CDC20B: variants seen among roughly 807,000 people sequenced by gnomAD.
CDC20B encodes the protein cell division cycle protein 20 homolog B.
CDC20B carries 58 observed loss-of-function variants against 64.1 expected under a neutral mutation model. The ratio of observed to expected loss-of-function variants is 0.90; its 90% CI spans 0.73 to 1.13. The LOEUF (loss-of-function observed/expected upper bound fraction) is 1.13. CDC20B is among the 50% of genes most tolerant of loss of function. CDC20B has a pLI of 0.00. For synonymous variants in CDC20B, 243 were observed against 230.6 expected (o/e 1.05, Z -0.49); for missense variants, 597 against 633.0 (o/e 0.94, Z 0.61).
At position 55,172,990 on chromosome 5, in the gene CDC20B, T is replaced by C. The variant is rs1289516156; in HGVS notation, c.11A>G (p.Lys4Arg). Residue 4 changes from lysine (K) to arginine (R), a missense_variant, in exon 1 of 12, where the codon AAA (lysine) becomes AGA (arginine). Lys to Arg is a conservative substitution (Grantham distance 26). Transcript: ENST00000381375. MEW[K>R]LERTAPRRVR... ...CCTCCGAGGCGCGGTGCGCTCCAGT[T>C]TCCACTCCATCTCCGGCTGACTTCG... is the stretch of plus-strand genomic sequence containing the variant. 1 of 1,611,610 alleles carries C rather than the reference T, an allele frequency of 6.2e-7. No individual in the cohort carries two copies. The highest frequency in any genetic ancestry group is 8.5e-7 in the Non-Finnish European group (1 of 1,179,154).
chr5:55,146,387 C>T (rs558744628), intron 3 of CDC20B, among the ~76,000 whole-genome samples: 59 of 152,206 alleles, frequency 3.9e-4, no homozygotes, highest in Non-Finnish European at 7.1e-4. Flanking sequence ...GCACAATTAA[C>T]TTTGTAAAAT....
intron 4 of CDC20B, among the ~76,000 whole-genome samples, chr5:55,142,647 C>T (rs1448860962): frequency 1.3e-5 from 2 of 152,170 alleles, no homozygotes; most frequent in African/African-American, 4.8e-5. Context: ...CCCTAATTAT[C>T]TCAGTAGGAC....
In CDC20B at chr5:55,172,793, A is replaced by G. The variant is rs1744648870; in HGVS notation, c.64-143T>C. The G allele has an allele frequency of 6.6e-6, 6 of 914,114 alleles. No homozygotes were observed. The East Asian group carries it at 1.3e-4, about 19-fold the overall frequency. 56.6% of individuals were successfully genotyped at this position (914,114 alleles called of 1,614,324 possible). ...TTTTTTTTGGCAACTAGGCACCTTCAGAATATAACTAAATTACATCACTCA... is the reference window on the plus strand; with the variant it reads ...TTTTTTTTGGCAACTAGGCACCTTCGGAATATAACTAAATTACATCACTCA... On this transcript the variant is annotated intron_variant, in intron 1 of 11. Coordinates refer to ENST00000381375, the MANE Select transcript of CDC20B (RefSeq NM_001170402.1).
chr5:55,146,515 GAA>G (rs1261122623), intron 3 of CDC20B, 111 bp downstream of exon 3: 7 of 696,834 alleles, frequency 1.0e-5, no homozygotes, highest in Non-Finnish European at 1.7e-5. Flanking sequence ...GAGAAAAAGA[GAA>G]AAGAGTTGAC....
At chr5:55,141,796 A>C (rs889838645) in intron 4 of CDC20B, among the ~76,000 whole-genome samples, 8 of 152,196 alleles carry the variant, frequency 5.3e-5, no homozygotes, top group African/African-American at 1.9e-4. Flanking sequence ...CAATCTTGGC[A>C]CTATGGGCAA....
At chr5:55,161,056 G>C (rs1321275097) in intron 2 of CDC20B, 25 of 1,614,042 alleles carry the variant, frequency 1.5e-5, no homozygotes, top group Non-Finnish European at 2.0e-5. Flanking sequence ...ACTTAGGGCT[G>C]AAGGAACTGC....
intron 8 of CDC20B, among the ~76,000 whole-genome samples, 179 bp downstream of exon 8, chr5:55,127,078 C>T (rs1469421874): frequency 1.3e-5 from 2 of 152,162 alleles, no homozygotes; most frequent in East Asian, 3.8e-4. Flanking sequence ...CACCAAGACA[C>T]TTACATGACC....
intron 11 of CDC20B, among the ~76,000 whole-genome samples, chr5:55,115,603 A>C (rs61446128): frequency 0.032 from 4,906 of 152,290 alleles, 237 homozygotes; most frequent in African/African-American, 0.11. Flanking sequence ...TGAGGGAGGA[A>C]AGGAGGTCAG....
rs1743942024 is a variant in CDC20B, at chr5:55,159,875, T to C, written c.126+12713A>G. Among the ~76,000 whole-genome samples the C allele has an allele frequency of 2.0e-5, 3 of 152,246 alleles. No homozygotes were observed. The South Asian group carries it at 6.2e-4, about 32-fold the overall frequency. ...CTTAGCATGGGGAATGAGCCCTCCGTAGCTTTCGAGTTACAAGAGCACCAT... is the reference window on the plus strand; with the variant it reads ...CTTAGCATGGGGAATGAGCCCTCCGCAGCTTTCGAGTTACAAGAGCACCAT... On this transcript the variant is annotated intron_variant, in intron 2 of 11. Coordinates refer to ENST00000381375, the MANE Select transcript of CDC20B (RefSeq NM_001170402.1).
At chr5:55,164,240 A>G (rs752697463) in intron 2 of CDC20B, 2 of 1,491,756 alleles carry the variant, frequency 1.3e-6, no homozygotes, top group East Asian at 2.3e-5. Flanking sequence ...CGTTTCTAAT[A>G]GAACAGAGAA....
rs1406224287 is a variant in CDC20B at position 55,114,400 on chromosome 5, G to A, written c.1460-82C>T. 6.7e-5 allele frequency: 103 copies of A among 1,536,728 alleles called. 1 individual carries two copies. In the Admixed American group the frequency reaches 2.0e-3, roughly 29 times the overall value. On this transcript the variant is annotated intron_variant, in intron 11 of 11. Coordinates refer to ENST00000381375, the MANE Select transcript of CDC20B (RefSeq NM_001170402.1). The surrounding 1 kb of genome is among the most constrained non-coding windows in gnomAD (Gnocchi z 4.1). ...AGGACTGTAGGCAATGTAAGTTGGG[G>A]CCATGAGTCCCATCCCAGGATAAAG...
intron 8 of CDC20B, among the ~76,000 whole-genome samples, chr5:55,125,512 T>G (rs1447007289): frequency 6.6e-6 from 1 of 152,214 alleles, no homozygotes; most frequent in Admixed American, 6.5e-5. Context: ...AGATCCATTC[T>G]TAGTTTTGCT....
intron 2 of CDC20B, among the ~76,000 whole-genome samples, chr5:55,150,447 G>A (rs541755309): frequency 1.3e-5 from 2 of 152,330 alleles, no homozygotes; most frequent in South Asian, 2.1e-4. Context: ...CCCAGGGGGC[G>A]AGGCCGGCTC....
At chr5:55,147,030 T>C (rs1043333441) in intron 2 of CDC20B, among the ~76,000 whole-genome samples, 174 bp from the exon 3 acceptor site, 10 of 148,526 alleles carry the variant, frequency 6.7e-5, no homozygotes, top group African/African-American at 2.4e-4. Flanking sequence ...GTATATATTT[T>C]TGTATATAGT....
rs930987402 is a variant in CDC20B, at chr5:55,146,700, A to G, written c.283T>C (p.Ser95Pro). The part of the protein sequence containing the change: ...LSSDSFGEEQ[S>P]TTYLPEASGS... ...GAAGCTTCTGGGAGGTAGGTGGTTG[A>G]CTGCTCTTCCCCAAAGGAATCAGAG... Residue 95 changes from serine to proline, a missense_variant, in exon 3 of 12, where the codon TCA (serine) becomes CCA (proline). Ser to Pro is a moderately conservative substitution (Grantham distance 74). Coordinates refer to ENST00000381375, the MANE Select transcript of CDC20B (RefSeq NM_001170402.1). 1 of 1,614,036 alleles carries G rather than the reference A, an allele frequency of 6.2e-7. No homozygotes were observed.
intron 2 of CDC20B, among the ~76,000 whole-genome samples, chr5:55,152,489 TAC>T (rs1743694253): frequency 6.6e-6 from 1 of 152,236 alleles, no homozygotes; most frequent in African/African-American, 2.4e-5. Flanking sequence ...TATTTCAGAA[TAC>T]AGAGTTGGAA....
intron 2 of CDC20B, among the ~76,000 whole-genome samples, chr5:55,148,931 G>A (rs1354262201): frequency 1.3e-5 from 2 of 152,240 alleles, no homozygotes; most frequent in African/African-American, 4.8e-5. Context: ...AGTAAGTGGC[G>A]ATGCCACACC....
In CDC20B at chr5:55,172,969, C is replaced by A; in HGVS notation, c.32G>T (p.Arg11Leu). Residue 11 changes from arginine to leucine, a missense_variant, in exon 1 of 12, where the codon CGG (arginine) becomes CTG (leucine). Arg to Leu is a moderately radical substitution (Grantham distance 102). Transcript: ENST00000381375. MEWKLERTAP[R>L]RVRTEEEMLW... ...CATCTCCTCTTCCGTGCGGACCCTC[C>A]GAGGCGCGGTGCGCTCCAGTTTCCA... 6.2e-7 allele frequency: 1 copy of A among 1,611,992 alleles called. No homozygotes were observed. The highest frequency in any genetic ancestry group is 8.5e-7 in the Non-Finnish European group (1 of 1,179,280).
chr5:55,158,546 T>C (rs1353524981), intron 2 of CDC20B, among the ~76,000 whole-genome samples: 1 of 152,116 alleles, frequency 6.6e-6, no homozygotes, highest in Non-Finnish European at 1.5e-5. Flanking sequence ...AAAACACACA[T>C]GCCACAGAGC....
Sources: allele counts gnomAD v4.1 joint callset (sites outside exome capture counted in the v4.1 genomes callset), GRCh38; gene constraint gnomAD v4.1.1; non-coding constraint Gnocchi (gnomAD v3.1); transcripts MANE v1.5; gene names NCBI Gene and HGNC (gene_info 2026-07-23, HGNC 2026-07-21).